ROBO1: variants seen among roughly 807,000 people sequenced by gnomAD.
ROBO1 encodes roundabout homolog 1.
Under a neutral mutation model 195.9 loss-of-function variants are expected in ROBO1, and 149 were observed. That is an observed-to-expected ratio of 0.76 (90% CI 0.67 to 0.87). The LOEUF (loss-of-function observed/expected upper bound fraction) is 0.87, where lower values mean the gene tolerates loss of function less well. Ranked by LOEUF, ROBO1 falls within the 40% of genes least tolerant of loss-of-function variation. ROBO1 has a pLI of 0.00. For missense variants in ROBO1, 1,933 were observed against 2,068.3 expected (o/e 0.93, Z 1.27); for synonymous variants, 816 against 733.2 (o/e 1.11, Z -1.82).
At chr3:79,390,575 G>A (rs904400071) in intron 2 of ROBO1, among the ~76,000 whole-genome samples, 1 of 152,128 alleles carries the variant, frequency 6.6e-6, no homozygotes, top group Non-Finnish European at 1.5e-5. Context: ...TACGTTTTAG[G>A]GAATGGACCA....
chr3:79,451,769 G>A (rs2039448300), intron 2 of ROBO1, among the ~76,000 whole-genome samples: 1 of 151,974 alleles, frequency 6.6e-6, no homozygotes, highest in Non-Finnish European at 1.5e-5. Context: ...GGTATTAGAG[G>A]GAGTACCTAT....
chr3:79,076,329 T>G (rs1468909387), intron 3 of ROBO1, among the ~76,000 whole-genome samples: 1 of 149,042 alleles, frequency 6.7e-6, no homozygotes, highest in African/African-American at 2.4e-5. Flanking sequence ...TTCTATTATT[T>G]TATATGTAAT....
intron 4 of ROBO1, among the ~76,000 whole-genome samples, chr3:78,843,465 A>T (rs2033424767): frequency 6.6e-6 from 1 of 152,140 alleles, no homozygotes; most frequent in East Asian, 1.9e-4. Flanking sequence ...AATATACTTC[A>T]ATTCTCCAAA....
intron 11 of ROBO1, among the ~76,000 whole-genome samples, chr3:78,669,001 T>C (rs1707899407): frequency 6.6e-6 from 1 of 152,200 alleles, no homozygotes; most frequent in Non-Finnish European, 1.5e-5. Context: ...TATATGGATA[T>C]ATGAGATCAA....
intron 2 of ROBO1, among the ~76,000 whole-genome samples, chr3:79,483,044 C>A (rs763314063): frequency 2.0e-5 from 3 of 152,138 alleles, no homozygotes; most frequent in Non-Finnish European, 2.9e-5. Context: ...TGGAATAGAG[C>A]GACTTCTCCA....
chr3:79,665,478 T>A (rs1020035860), intron 1 of ROBO1, among the ~76,000 whole-genome samples: 1 of 151,932 alleles, frequency 6.6e-6, no homozygotes, highest in African/African-American at 2.4e-5. Flanking sequence ...TATTAGAAAT[T>A]GAAATATTCC....
rs997668150 is a variant in ROBO1 at position 79,322,716 on chromosome 3, A to G, written c.89-197177T>C. Among the ~76,000 whole-genome samples, 9 of 152,294 alleles carry G rather than the reference A, an allele frequency of 5.9e-5. No individual in the cohort carries two copies. The East Asian group carries it at 9.7e-4, about 16-fold the overall frequency. On this transcript the variant is annotated intron_variant, in intron 2 of 30. Transcript: ENST00000464233. ...CCTATCAGCTTTTTCTGAGCACTGT[A>G]TATTTTTTTCTATTCACATCCTTTC...
intron 4 of ROBO1, among the ~76,000 whole-genome samples, chr3:78,846,323 G>T (rs980088350): frequency 6.6e-6 from 1 of 152,096 alleles, no homozygotes; most frequent in East Asian, 1.9e-4. Context: ...TTACTCAAAT[G>T]ACTTACAGTC....
chr3:78,884,793 A>G (rs2036440387), intron 4 of ROBO1, among the ~76,000 whole-genome samples: 1 of 152,014 alleles, frequency 6.6e-6, no homozygotes. Flanking sequence ...AAGATATGAT[A>G]AATTATTCCT....
intron 2 of ROBO1, among the ~76,000 whole-genome samples, chr3:79,463,029 C>T (rs1178817668): frequency 3.3e-5 from 5 of 152,128 alleles, no homozygotes; most frequent in Non-Finnish European, 7.4e-5. Context: ...AAAACTATTT[C>T]GGAATTTTCT....
At chr3:78,672,552 G>A (rs993244518) in intron 10 of ROBO1, among the ~76,000 whole-genome samples, 2 of 143,670 alleles carry the variant, frequency 1.4e-5, no homozygotes, top group Non-Finnish European at 3.0e-5. Context: ...CTTTGATCAG[G>A]CCACCGCACT....
At chr3:79,494,982 G>A (rs1939652958) in intron 2 of ROBO1, among the ~76,000 whole-genome samples, 1 of 151,876 alleles carries the variant, frequency 6.6e-6, no homozygotes, top group Non-Finnish European at 1.5e-5. Context: ...TTCCTCTAAA[G>A]AATGGATCAC....
At chr3:79,683,558 TACAA>T (rs542954673) in intron 1 of ROBO1, among the ~76,000 whole-genome samples, 20 of 152,196 alleles carry the variant, frequency 1.3e-4, no homozygotes, top group Admixed American at 2.0e-4. Flanking sequence ...TGTTTATCAC[TACAA>T]ACAAACAAAC....
chr3:79,460,416 T>C (rs1416276213), intron 2 of ROBO1, among the ~76,000 whole-genome samples: 1 of 152,206 alleles, frequency 6.6e-6, no homozygotes, highest in African/African-American at 2.4e-5. Context: ...TTTTAAGTAG[T>C]ATTCTGATGT....
chr3:78,607,024 C>T lies in ROBO1; in HGVS notation c.4453G>A (p.Val1485Met), dbSNP rs762933642. ...TYTDDLPPPP[V>M]PPPAIKSPTA... ...GGTGACTTTATAGCAGGTGGCGGCA[C>T]AGGAGGTGGTGGAAGATCTAAAAAG... Residue 1485 changes from valine to methionine, a missense_variant, in exon 29 of 31, where the codon GTG becomes ATG. Val to Met is a conservative substitution (Grantham distance 21, BLOSUM62 1). Around this residue, in one of 3 missense-constraint regions of ROBO1, gnomAD observed 1,737 missense variants for 1,882.5 expected, o/e 0.92. Transcript: ENST00000464233. The T allele has an allele frequency of 2.5e-6, 4 of 1,610,270 alleles. No individual in the cohort carries two copies. Among genetic ancestry groups the T allele is most frequent in the Non-Finnish European group, 3.4e-6 (4 of 1,177,208 alleles).
At chr3:78,943,070 G>T (rs1309068038) in intron 3 of ROBO1, among the ~76,000 whole-genome samples, 1 of 151,910 alleles carries the variant, frequency 6.6e-6, no homozygotes, top group Admixed American at 6.6e-5. Flanking sequence ...AAAAAAATTA[G>T]CCAGGCGTGG....
intron 3 of ROBO1, among the ~76,000 whole-genome samples, chr3:79,094,887 C>A (rs2079540145): frequency 7.9e-6 from 1 of 125,968 alleles, no homozygotes; most frequent in African/African-American, 2.9e-5. Context: ...TCCCTTCCTT[C>A]CCCTCACCCT....
At chr3:79,766,626 G>A (rs1343206397) in intron 1 of ROBO1, among the ~76,000 whole-genome samples, 1 of 152,050 alleles carries the variant, frequency 6.6e-6, no homozygotes, top group Non-Finnish European at 1.5e-5. Context: ...GCCACGCCGA[G>A]TTTTCCGCAT....
intron 4 of ROBO1, among the ~76,000 whole-genome samples, chr3:78,749,312 T>C (rs567631789): frequency 6.6e-6 from 1 of 152,216 alleles, no homozygotes; most frequent in Non-Finnish European, 1.5e-5. Flanking sequence ...CTCAAACCAA[T>C]GAATAATAAA....
Sources: allele counts gnomAD v4.1 joint callset (sites outside exome capture counted in the v4.1 genomes callset), GRCh38; gene constraint gnomAD v4.1.1; regional missense constraint gnomAD v4.1.1; transcripts MANE v1.5; gene names NCBI Gene and HGNC (gene_info 2026-07-23, HGNC 2026-07-21).